Variants in NSD2 observed in about 807,000 individuals in gnomAD.
NSD2 encodes histone-lysine N-methyltransferase NSD2.
NSD2 carries 12 observed loss-of-function variants against 139.0 expected under a neutral mutation model. The observed-to-expected ratio is 0.09, with a 90% CI of 0.06 to 0.14. NSD2 has a LOEUF of 0.14. NSD2 is among the 10% of genes least tolerant of loss of function. NSD2 has a pLI of 1.00. For synonymous variants in NSD2, 669 were observed against 648.7 expected, an observed-to-expected ratio of 1.03 and a Z score of -0.48; for missense variants, 1,155 against 1,745.0, an observed-to-expected ratio of 0.66 and a Z score of 6.02.
At chr4:1,945,109 T>G (rs1723482590) in intron 9 of NSD2, 1 of 1,066,382 alleles carries the variant, frequency 9.4e-7, no homozygotes, top group Non-Finnish European at 1.1e-6. Flanking sequence ...GCTTAGAGGA[T>G]CTCCGAGAGG....
At position 1,978,943 on chromosome 4, in the gene NSD2, G is replaced by A. The variant is rs762355523; in HGVS notation, c.*34G>A. On this transcript the variant is annotated 3_prime_UTR_variant, in exon 22 of 22. Coordinates refer to ENST00000508803, the MANE Select transcript of NSD2 (RefSeq NM_001042424.3). ...GGCCGCTTGGCCGGATCCAGGGGCG[G>A]TGCAGGGCGGCCGGCCCTGCCTGCG... is the stretch of plus-strand genomic sequence containing the variant. The A allele has an allele frequency of 7.5e-6, 11 of 1,457,820 alleles. No individual in the cohort carries two copies. The East Asian group carries it at 2.0e-4, about 27-fold the overall frequency. The allele number at this position is 1,457,820 out of a possible 1,614,324, so 90.3% of individuals were successfully genotyped here.
chr4:1,946,707 G>A (rs1396093287), intron 9 of NSD2: 2 of 1,043,050 alleles, frequency 1.9e-6, no homozygotes, highest in African/African-American at 3.3e-5. Flanking sequence ...TTACCTGGCA[G>A]TGATGTCAAA....
chr4:1,968,747 C>T (rs546071228), intron 18 of NSD2, among the ~76,000 whole-genome samples: 2 of 152,262 alleles, frequency 1.3e-5, no homozygotes, highest in East Asian at 1.9e-4. Context: ...GAAAGGCTCC[C>T]ACAGGCCTTA....
intron 1 of NSD2, among the ~76,000 whole-genome samples, chr4:1,876,165 G>C (rs574389171): frequency 6.6e-6 from 1 of 152,012 alleles, no homozygotes; most frequent in East Asian, 1.9e-4. Flanking sequence ...AGTGAGCTGA[G>C]ATCGCGCCAC....
rs1195779510 is a variant in NSD2, at chr4:1,973,007, C to T, written c.3373-1856C>T. On this transcript the variant is annotated intron_variant, in intron 18 of 21. Transcript: ENST00000508803. This position sits in a 1 kb window ranked among gnomAD's most constrained non-coding sequence, Gnocchi z 5.5. ...AACTGGGATTACCGGTGCCCACCAC[C>T]ATAGCTGGATAATTTTTTGTATTTT... 2.0e-5 allele frequency among the ~76,000 whole-genome samples: 3 copies of T among 152,128 alleles called. No homozygotes were observed. Among genetic ancestry groups the T allele is most frequent in the Non-Finnish European group, 2.9e-5 (2 of 68,016 alleles).
intron 8 of NSD2, chr4:1,939,264 G>A (rs1447954516): frequency 5.5e-6 from 1 of 182,192 alleles, no homozygotes; most frequent in African/African-American, 2.4e-5. Flanking sequence ...TAAGAGCATT[G>A]TTACTTTTAA....
Position 1,958,616 on chromosome 4 carries a change from G to A in NSD2, c.2985+580G>A, listed in dbSNP as rs1725068341. ...GGAGCCTCGTGGCCGTTCCTGACGA[G>A]TGTTTGTGATAAGTGTGTGCCGGAG... On this transcript the variant is annotated intron_variant, in intron 16 of 21. Coordinates refer to ENST00000508803, the MANE Select transcript of NSD2 (RefSeq NM_001042424.3). This position sits in a 1 kb window ranked among gnomAD's most constrained non-coding sequence, Gnocchi z 4.6. Among the ~76,000 whole-genome samples the A allele has an allele frequency of 6.6e-6, 1 of 152,268 alleles. No individual in the cohort carries two copies. The highest frequency in any genetic ancestry group is 1.5e-5 in the Non-Finnish European group (1 of 68,048).
At position 1,962,167 on chromosome 4, in the gene NSD2, A is replaced by G. The variant is rs183083577; in HGVS notation, c.3372+1016A>G. ...CCTACCCCTGCAGTAGTGGGGCAGCAGTGGCCAGTGGAGCCTGCTCCGGGG... is the reference window on the plus strand; with the variant it reads ...CCTACCCCTGCAGTAGTGGGGCAGCGGTGGCCAGTGGAGCCTGCTCCGGGG... On this transcript the variant is annotated intron_variant, in intron 18 of 21. Transcript: ENST00000508803. Among the ~76,000 whole-genome samples the G allele has an allele frequency of 9.1e-3, 1,392 of 152,352 alleles. 21 individuals are homozygous for G. The highest frequency in any genetic ancestry group is 0.032 in the African/African-American group (1,343 of 41,582).
At chr4:1,910,310 C>G (rs1238205898) in intron 3 of NSD2, among the ~76,000 whole-genome samples, 1 of 151,996 alleles carries the variant, frequency 6.6e-6, no homozygotes, top group Non-Finnish European at 1.5e-5. Context: ...ACTGCAACCT[C>G]TGTCTCCCAG....
chr4:1,947,292 C>T (rs1723734172), intron 9 of NSD2: 2 of 1,062,436 alleles, frequency 1.9e-6, no homozygotes, highest in Non-Finnish European at 2.3e-6. Context: ...GCAGCAGCCA[C>T]CTGGCCTCAC....
rs778180484 is a variant in NSD2, at chr4:1,976,837, C to G, written c.3826+158C>G. Among the ~76,000 whole-genome samples, 3 of 152,236 alleles carry G rather than the reference C, an allele frequency of 2.0e-5. No homozygotes were observed. Among genetic ancestry groups the G allele is most frequent in the Non-Finnish European group, 4.4e-5 (3 of 68,044 alleles). ...CCTGATCCAGGGTGGCAGAGCCTTT[C>G]TTTGTTCCACCAGCCGCACATTCTA... On this transcript the variant is annotated intron_variant, in intron 21 of 21. Coordinates refer to ENST00000508803, the MANE Select transcript of NSD2 (RefSeq NM_001042424.3). The surrounding 1 kb of genome is among the most constrained non-coding windows in gnomAD (Gnocchi z 5.3).
chr4:1,956,210 G>A lies in NSD2; in HGVS notation c.2881+22G>A. 6.4e-7 allele frequency: 1 copy of A among 1,559,516 alleles called. No individual in the cohort carries two copies. Among genetic ancestry groups the A allele is most frequent in the Non-Finnish European group, 8.7e-7 (1 of 1,151,620 alleles). ...AACGGTACGGAGATATTCAGATAGA[G>A]AGTGAGACAGCACTCTCGTGCATTT... On this transcript the variant is annotated intron_variant, in intron 15 of 21. Transcript: ENST00000508803. This position sits in a 1 kb window ranked among gnomAD's most constrained non-coding sequence, Gnocchi z 5.3.
chr4:1,896,198 G>T (rs1231734442), intron 1 of NSD2, among the ~76,000 whole-genome samples: 2 of 152,276 alleles, frequency 1.3e-5, no homozygotes, highest in African/African-American at 4.8e-5. Flanking sequence ...TCTCCTTCGG[G>T]CTCTGTGCAG....
At chr4:1,952,267 C>A (rs1437433649) in intron 11 of NSD2, 36 bp downstream of exon 11, 1 of 1,609,762 alleles carries the variant, frequency 6.2e-7, no homozygotes, top group South Asian at 1.1e-5. Context: ...TGCAGCCTGG[C>A]CGGCCACCTG....
rs1255877617 is a variant in NSD2 at position 1,979,785 on chromosome 4, T to C, written c.*876T>C. The C allele has an allele frequency of 4.3e-6, 1 of 232,080 alleles. No individual in the cohort carries two copies. The highest frequency in any genetic ancestry group is 2.2e-5 in the African/African-American group (1 of 45,276). The allele number at this position is 232,080 out of a possible 1,614,324, so 14.4% of individuals were successfully genotyped here. On this transcript the variant is annotated 3_prime_UTR_variant, in exon 22 of 22. Transcript: ENST00000508803. Reference sequence around the variant, plus strand: ...TCTCAATATATTTTTGCTAAACCTATTTCACAAATCACCACCGACTGAAGT... The same window carrying C: ...TCTCAATATATTTTTGCTAAACCTACTTCACAAATCACCACCGACTGAAGT...
intron 1 of NSD2, among the ~76,000 whole-genome samples, chr4:1,898,750 C>T (rs1278333239): frequency 2.0e-5 from 3 of 146,426 alleles, no homozygotes; most frequent in Admixed American, 6.8e-5. Flanking sequence ...ATAAACTAGG[C>T]TGCTTGGAAT....
intron 3 of NSD2, among the ~76,000 whole-genome samples, chr4:1,906,532 G>A (rs1328117525): frequency 6.6e-6 from 1 of 151,948 alleles, no homozygotes; most frequent in African/African-American, 2.4e-5. Context: ...GAGCCACAGT[G>A]CCGCAGCCCA....
At chr4:1,895,302 G>T (rs1716116288) in intron 1 of NSD2, among the ~76,000 whole-genome samples, 1 of 152,136 alleles carries the variant, frequency 6.6e-6, no homozygotes, top group South Asian at 2.1e-4. Context: ...TTTTCACCCT[G>T]TTTTGTTCAA....
chr4:1,966,289 A>G (rs951812922), intron 18 of NSD2, among the ~76,000 whole-genome samples: 2 of 152,226 alleles, frequency 1.3e-5, no homozygotes, highest in Non-Finnish European at 2.9e-5. Flanking sequence ...AAGTAAATAC[A>G]TGGTCAGCTA....
Sources: allele counts gnomAD v4.1 joint callset (sites outside exome capture counted in the v4.1 genomes callset), GRCh38; gene constraint gnomAD v4.1.1; non-coding constraint Gnocchi (gnomAD v3.1); transcripts MANE v1.5; gene names NCBI Gene and HGNC (gene_info 2026-07-23, HGNC 2026-07-21).